The following RAB8B variants were observed in gnomAD, a reference collection of about 807,000 sequenced individuals.
RAB8B encodes RAB8B, member RAS oncogene family, also known as ras-related protein Rab-8B.
A neutral mutation model predicts 32.0 loss-of-function variants in RAB8B; 11 were observed. The ratio of observed to expected loss-of-function variants is 0.34; its 90% confidence interval spans 0.22 to 0.57. The LOEUF is 0.57. RAB8B is among the 20% of genes least tolerant of loss of function. RAB8B has a pLI of 0.86. For missense variants in RAB8B, 190 were observed against 258.5 expected, an observed-to-expected ratio of 0.73 and a Z score of 1.82; for synonymous variants, 103 against 89.6, an observed-to-expected ratio of 1.15 and a Z score of -0.85.
At chr15:63,239,797 TA>T (rs2038016734) in intron 1 of RAB8B, among the ~76,000 whole-genome samples, 3 of 152,204 alleles carry the variant, frequency 2.0e-5, no homozygotes, top group Admixed American at 2.0e-4. Context: ...TTAATTTAGT[TA>T]CTGTACACAT....
chr15:63,256,845 C>G (rs190709978), intron 5 of RAB8B, among the ~76,000 whole-genome samples: 1 of 152,166 alleles, frequency 6.6e-6, no homozygotes, highest in Non-Finnish European at 1.5e-5. Context: ...ACAAATTGGT[C>G]CTTTCTCAGA....
At chr15:63,197,266 G>GA (rs533484900) in intron 1 of RAB8B, among the ~76,000 whole-genome samples, 3 of 149,272 alleles carry the variant, frequency 2.0e-5, no homozygotes, top group Non-Finnish European at 4.4e-5. Context: ...TCATCTTACA[G>GA]AAAAAAATGA....
At position 63,254,253 on chromosome 15, in the gene RAB8B, T is replaced by G. The variant is rs187024826; in HGVS notation, c.247-1254T>G. ...TCCCAGGCTTTGGCTTTAATGTCAT[T>G]TCCTCAGGGAAGCCTCCCCTGCCCA... On this transcript the variant is annotated intron_variant, in intron 3 of 7. Coordinates refer to ENST00000321437, the MANE Select transcript of RAB8B (RefSeq NM_016530.3). Among the ~76,000 whole-genome samples, 55 of 152,318 alleles carry G rather than the reference T, an allele frequency of 3.6e-4. No homozygotes were observed. In the East Asian group the frequency reaches 9.6e-3, roughly 27 times the overall value.
intron 1 of RAB8B, among the ~76,000 whole-genome samples, chr15:63,219,004 ATTT>A (rs71131152): frequency 1.5e-4 from 14 of 94,668 alleles, no homozygotes; most frequent in African/African-American, 4.5e-4. Flanking sequence ...CCAGCAGTGG[ATTT>A]TTTTTTTTTT....
At chr15:63,189,786 T>C (rs1408128852) in intron 1 of RAB8B, 38 bp downstream of exon 1, 27 of 812,226 alleles carry the variant, frequency 3.3e-5, no homozygotes, top group African/African-American at 4.6e-5. Context: ...GGGTAGAGAA[T>C]TGGGGGGCGG....
At chr15:63,233,692 T>A (rs1221407756) in intron 1 of RAB8B, among the ~76,000 whole-genome samples, 1 of 152,248 alleles carries the variant, frequency 6.6e-6, no homozygotes, top group African/African-American at 2.4e-5. Flanking sequence ...TTTGGGAAAC[T>A]ATTTTTCTAT....
intron 7 of RAB8B, among the ~76,000 whole-genome samples, chr15:63,263,122 A>G (rs1314931157): frequency 1.3e-5 from 2 of 152,194 alleles, no homozygotes; most frequent in Non-Finnish European, 2.9e-5. Flanking sequence ...CAACCTTGAA[A>G]GTTTGTTTTA....
rs1053607099 is a variant in RAB8B, at chr15:63,263,888, C to T, written c.*269C>T. On this transcript the variant is annotated 3_prime_UTR_variant, in exon 8 of 8. Transcript: ENST00000321437. ...CTTGTTTTATTACCTGTTGCAGAAGCGGTTATCTTTCTTTTTTACTTTGCA... is the reference window on the plus strand; with the variant it reads ...CTTGTTTTATTACCTGTTGCAGAAGTGGTTATCTTTCTTTTTTACTTTGCA... 8 of 337,800 alleles carry T rather than the reference C, an allele frequency of 2.4e-5. No homozygotes were observed. The highest frequency in any genetic ancestry group is 1.5e-4 in the East Asian group (3 of 19,688). 20.9% of individuals were successfully genotyped at this position (337,800 alleles called of 1,614,324 possible). A position where few individuals can be genotyped will look rare whatever the true frequency, so the allele number is the denominator to read the frequency against.
At chr15:63,252,759 T>C (rs1362685742) in intron 3 of RAB8B, among the ~76,000 whole-genome samples, 2 of 151,944 alleles carry the variant, frequency 1.3e-5, no homozygotes, top group Non-Finnish European at 2.9e-5. Flanking sequence ...TTTTTTTTTT[T>C]TTTTTTGAGA....
chr15:63,237,625 G>C (rs963567137), intron 1 of RAB8B, among the ~76,000 whole-genome samples: 2 of 152,034 alleles, frequency 1.3e-5, no homozygotes, highest in Admixed American at 6.5e-5. Flanking sequence ...TATATATTCT[G>C]ATTATTAATA....
In RAB8B at chr15:63,263,738, T is replaced by A; in HGVS notation, c.*119T>A. 1.3e-6 allele frequency: 1 copy of A among 748,362 alleles called. No individual in the cohort carries two copies. The highest frequency in any genetic ancestry group is 2.3e-6 in the Non-Finnish European group (1 of 443,526). The allele number at this position is 748,362 out of a possible 1,614,324, so 46.4% of individuals were successfully genotyped here. On this transcript the variant is annotated 3_prime_UTR_variant, in exon 8 of 8. Transcript: ENST00000321437. ...GCTGCTGCTGAGAGCACCACTGAACTTAGACCTCTCAACACAGTATGCCAA... is the reference window on the plus strand; with the variant it reads ...GCTGCTGCTGAGAGCACCACTGAACATAGACCTCTCAACACAGTATGCCAA...
At chr15:63,249,466 G>C (rs1382595595) in intron 2 of RAB8B, among the ~76,000 whole-genome samples, 179 bp from the exon 3 acceptor site, 2 of 152,104 alleles carry the variant, frequency 1.3e-5, no homozygotes, top group Non-Finnish European at 2.9e-5. Flanking sequence ...ACAGGCTCCT[G>C]TGGCCACCAC....
At chr15:63,232,492 A>C (rs1181873057) in intron 1 of RAB8B, among the ~76,000 whole-genome samples, 2 of 152,238 alleles carry the variant, frequency 1.3e-5, no homozygotes, top group Admixed American at 1.3e-4. Flanking sequence ...CAGCTGTCAT[A>C]TGAAGAATGC....
Position 63,238,803 on chromosome 15 carries a change from A to C in RAB8B, c.125-5953A>C, listed in dbSNP as rs150581894. ...TAAATTTAGAGAATGGATTTAGATT[A>C]ATCCAATCTTGGTAATTCCCCGTGG... On this transcript the variant is annotated intron_variant, in intron 1 of 7. Coordinates refer to ENST00000321437, the MANE Select transcript of RAB8B (RefSeq NM_016530.3). Among the ~76,000 whole-genome samples, 23 of 152,340 alleles carry C rather than the reference A, an allele frequency of 1.5e-4. No individual in the cohort carries two copies. The East Asian group carries it at 4.4e-3, about 29-fold the overall frequency.
rs572179959 is a variant in RAB8B, at chr15:63,191,042, T to C, written c.124+1294T>C. Among the ~76,000 whole-genome samples, 6 of 152,342 alleles carry C rather than the reference T, an allele frequency of 3.9e-5. No individual in the cohort carries two copies. The South Asian group carries it at 1.2e-3, about 32-fold the overall frequency. On this transcript the variant is annotated intron_variant, in intron 1 of 7. Coordinates refer to ENST00000321437, the MANE Select transcript of RAB8B (RefSeq NM_016530.3). ...CCAAGTCAAAGCTGGTTTTAAGCTGTTTTAGAAGTGACCACCTTAACATCA... is the reference window on the plus strand; with the variant it reads ...CCAAGTCAAAGCTGGTTTTAAGCTGCTTTAGAAGTGACCACCTTAACATCA...
At chr15:63,207,093 C>T (rs1327707360) in intron 1 of RAB8B, among the ~76,000 whole-genome samples, 1 of 152,244 alleles carries the variant, frequency 6.6e-6, no homozygotes, top group Non-Finnish European at 1.5e-5. Context: ...ATGGAAGTCA[C>T]TTCCAAGTGT....
intron 1 of RAB8B, among the ~76,000 whole-genome samples, chr15:63,197,345 T>TTTTCTTTC (rs1254018189): frequency 1.4e-5 from 2 of 146,420 alleles, no homozygotes; most frequent in Non-Finnish European, 3.0e-5. Context: ...TTCTTTTTTT[T>TTTTCTTTC]TTTCTTTCTT....
chr15:63,259,497 A>C lies in RAB8B; in HGVS notation c.415-130A>C, dbSNP rs2152584647. 1.4e-6 allele frequency: 1 copy of C among 714,310 alleles called. No individual in the cohort carries two copies. The highest frequency in any genetic ancestry group is 3.0e-4 in the Middle Eastern group (1 of 3,294). The allele number at this position is 714,310 out of a possible 1,614,324, so 44.2% of individuals were successfully genotyped here. ...CTGAATACAGTAGAAGAAAGCAAAG[A>C]AATTTGAGAACCACAGGAGTTCTGA... is the stretch of plus-strand genomic sequence containing the variant. On this transcript the variant is annotated intron_variant, in intron 5 of 7. Coordinates refer to ENST00000321437, the MANE Select transcript of RAB8B (RefSeq NM_016530.3). The surrounding 1 kb of genome is among the most constrained non-coding windows in gnomAD (Gnocchi z 4.4).
chr15:63,241,309 A>C (rs901435717), intron 1 of RAB8B, among the ~76,000 whole-genome samples: 2 of 152,248 alleles, frequency 1.3e-5, no homozygotes, highest in Non-Finnish European at 2.9e-5. Context: ...AGATCGCGCC[A>C]CTGCACTCCA....
Sources: allele counts gnomAD v4.1 joint callset (sites outside exome capture counted in the v4.1 genomes callset), GRCh38; gene constraint gnomAD v4.1.1; non-coding constraint Gnocchi (gnomAD v3.1); transcripts MANE v1.5; gene names NCBI Gene and HGNC (gene_info 2026-07-23, HGNC 2026-07-21).